The following EFCAB5 variants were observed in gnomAD, a reference collection of about 807,000 sequenced individuals.
The protein encoded by EFCAB5 is EF-hand calcium-binding domain-containing protein 5.
A neutral mutation model predicts 167.9 loss-of-function variants in EFCAB5; 131 were observed. That is an observed-to-expected ratio of 0.78 (90% CI 0.68 to 0.90). The LOEUF (loss-of-function observed/expected upper bound fraction) is 0.90. Among genes scored for constraint, EFCAB5 ranks in the 40% least tolerant of loss-of-function variants. EFCAB5 has a pLI of 0.00. For synonymous variants in EFCAB5, 574 were observed against 602.8 expected, an observed-to-expected ratio of 0.95 and a Z score of 0.70; for missense variants, 1,663 against 1,745.2, an observed-to-expected ratio of 0.95 and a Z score of 0.84.
At chr17:29,936,934 A>C (rs1567665346), upstream of EFCAB5, among the ~76,000 whole-genome samples, 1 of 152,230 alleles carries the variant, frequency 6.6e-6, no homozygotes, top group Non-Finnish European at 1.5e-5. Context: ...AGTAAAACCA[A>C]ACTGCTTCAG....
At chr17:30,003,381 A>G (rs1403433302) in intron 7 of EFCAB5, among the ~76,000 whole-genome samples, 1 of 152,020 alleles carries the variant, frequency 6.6e-6, no homozygotes, top group Non-Finnish European at 1.5e-5. Context: ...GACCACAGTC[A>G]TGCACCACCA....
chr17:29,947,993 T>C (rs1399316946), intron 3 of EFCAB5, among the ~76,000 whole-genome samples: 3 of 152,212 alleles, frequency 2.0e-5, no homozygotes, highest in African/African-American at 7.2e-5. Flanking sequence ...GCCCATCTAA[T>C]TTTTGTATTT....
intron 7 of EFCAB5, among the ~76,000 whole-genome samples, chr17:30,018,993 CT>C (rs1378410391): frequency 6.6e-6 from 1 of 152,078 alleles, no homozygotes; most frequent in African/African-American, 2.4e-5. Context: ...GGTATGGATG[CT>C]TTCTTGACTT....
chr17:30,064,711 C>T (rs1346809540), intron 14 of EFCAB5, among the ~76,000 whole-genome samples: 1 of 152,146 alleles, frequency 6.6e-6, no homozygotes, highest in East Asian at 1.9e-4. Flanking sequence ...CTCTCCAAGG[C>T]AAATTAAAGT....
intron 3 of EFCAB5, among the ~76,000 whole-genome samples, chr17:29,951,434 A>G (rs953349997): frequency 2.6e-5 from 4 of 151,738 alleles, no homozygotes; most frequent in Non-Finnish European, 5.9e-5. Flanking sequence ...ACCTCCTGGG[A>G]TCATGCCATT....
chr17:30,073,370 A>G (rs2151824503), intron 14 of EFCAB5, among the ~76,000 whole-genome samples: 1 of 152,252 alleles, frequency 6.6e-6, no homozygotes, highest in East Asian at 1.9e-4. Context: ...GCATTTCAGT[A>G]TGAAAACTGT....
chr17:29,975,210 A>T (rs1203040289), intron 4 of EFCAB5, among the ~76,000 whole-genome samples: 1 of 152,078 alleles, frequency 6.6e-6, no homozygotes, highest in African/African-American at 2.4e-5. Context: ...GGTCTAAAAC[A>T]AAAGTGATAC....
intron 7 of EFCAB5, among the ~76,000 whole-genome samples, chr17:30,005,025 G>A (rs2151665930): frequency 6.6e-6 from 1 of 152,102 alleles, no homozygotes; most frequent in African/African-American, 2.4e-5. Flanking sequence ...ATGGTATTTT[G>A]TTATTGCAGC....
In EFCAB5 at chr17:30,065,045, G is replaced by A. The variant is rs74821947; in HGVS notation, c.2737+5344G>A. ...TGAGGGAAATTATCACCACTAAACC[G>A]GCCTTACAAGAAATGCTCAAGGGAG... is the stretch of plus-strand genomic sequence containing the variant. On this transcript the variant is annotated intron_variant, in intron 14 of 22. Transcript: ENST00000394835. 6.5e-3 allele frequency among the ~76,000 whole-genome samples: 983 copies of A among 152,242 alleles called. 8 individuals carry two copies. Among genetic ancestry groups the A allele is most frequent in the African/African-American group, 0.023 (936 of 41,534 alleles).
Position 30,090,488 on chromosome 17 carries a change from A to C in EFCAB5, c.3751A>C (p.Ile1251Leu), listed in dbSNP as rs2071173854. 1 of 1,613,940 alleles carries C rather than the reference A, an allele frequency of 6.2e-7. No individual in the cohort carries two copies. The highest frequency in any genetic ancestry group is 1.3e-5 in the African/African-American group (1 of 74,936). ...VLASACGETHIVVPLRERTGE... is the reference protein window; with the variant it reads ...VLASACGETHLVVPLRERTGE... Reference sequence around the variant, plus strand: ...GGCTTCTGCCTGTGGAGAAACGCATATAGTAGTTCCACTTCGTGAGAGAAC... The same window carrying C: ...GGCTTCTGCCTGTGGAGAAACGCATCTAGTAGTTCCACTTCGTGAGAGAAC... The change falls in exon 20 of 23, where the codon ATA (isoleucine) becomes CTA (leucine). Residue 1251 changes from isoleucine (I) to leucine (L), a missense_variant. Physicochemically the swap from Ile to Leu is conservative, Grantham distance 5. Coordinates refer to ENST00000394835, the MANE Select transcript of EFCAB5 (RefSeq NM_198529.4).
intron 14 of EFCAB5, 125 bp downstream of exon 14, chr17:30,059,826 G>T: frequency 1.6e-6 from 1 of 637,506 alleles, no homozygotes. Context: ...ATGTCTACCA[G>T]TATAGATATA....
At chr17:30,107,736 A>G (rs1177252353) in intron 22 of EFCAB5, 98 bp from the exon 23 acceptor site, 4 of 1,086,502 alleles carry the variant, frequency 3.7e-6, no homozygotes, top group African/African-American at 1.6e-5. Context: ...GACTCAAAAC[A>G]TATCTAATGA....
chr17:30,091,997 A>G lies in EFCAB5; in HGVS notation c.4064A>G (p.His1355Arg), dbSNP rs375259455. 2.5e-6 allele frequency: 4 copies of G among 1,613,834 alleles called. No individual in the cohort carries two copies. The highest frequency in any genetic ancestry group is 1.6e-4 in the Middle Eastern group (1 of 6,084). ...MEFVSLLLYDHTLVTEPNSPQ... is the reference protein window; with the variant it reads ...MEFVSLLLYDRTLVTEPNSPQ... ...TTTGTGTCACTGTTGCTCTATGACC[A>G]TACTCTTGTAACAGAGCCAAATTCT... is the stretch of plus-strand genomic sequence containing the variant. The change falls in exon 21 of 23, where the codon CAT (histidine) becomes CGT (arginine). Residue 1355 changes from histidine (H) to arginine (R), a missense_variant. Transcript: ENST00000394835.
intron 3 of EFCAB5, among the ~76,000 whole-genome samples, chr17:29,959,047 T>C (rs1370604802): frequency 1.3e-5 from 2 of 151,916 alleles, no homozygotes; most frequent in African/African-American, 4.8e-5. Context: ...ATGGGAAGAG[T>C]GACACAAGCC....
chr17:29,991,763 A>G (rs2068425387), intron 4 of EFCAB5, among the ~76,000 whole-genome samples: 2 of 152,188 alleles, frequency 1.3e-5, no homozygotes. Context: ...CAACACCTGA[A>G]ATCAATCCCT....
chr17:30,073,329 T>C, intron 14 of EFCAB5: 1 of 543,546 alleles, frequency 1.8e-6, no homozygotes, highest in Non-Finnish European at 3.3e-6. Context: ...AGTGCTGGGA[T>C]TACAGGCATG....
At chr17:29,988,404 C>A (rs963282384) in intron 4 of EFCAB5, among the ~76,000 whole-genome samples, 6 of 152,086 alleles carry the variant, frequency 3.9e-5, no homozygotes, top group African/African-American at 7.2e-5. Flanking sequence ...GCAGTCAATA[C>A]CTCAGTTACA....
Position 30,080,114 on chromosome 17 carries a change from T to G in EFCAB5, c.3070T>G (p.Ser1024Ala), listed in dbSNP as rs758650569. 1.9e-6 allele frequency: 3 copies of G among 1,613,372 alleles called. No individual in the cohort carries two copies. The East Asian group carries it at 6.7e-5, about 36-fold the overall frequency. The part of the protein sequence containing the change: ...HGNKKISAHI[S>A]LLEENLLLPE... The stretch of plus-strand genomic sequence containing the variant: ...AAATAAAAAGATCAGTGCTCACATT[T>G]CCCTCTTAGAAGAAAACCTACTACT... Residue 1024 changes from serine to alanine, a missense_variant, in exon 16 of 23, where the codon TCC becomes GCC. Ser to Ala is a moderately conservative substitution (Grantham distance 99, BLOSUM62 1). Coordinates refer to ENST00000394835, the MANE Select transcript of EFCAB5 (RefSeq NM_198529.4).
intron 3 of EFCAB5, among the ~76,000 whole-genome samples, chr17:29,945,422 C>T (rs1006083264): frequency 2.0e-5 from 3 of 151,768 alleles, no homozygotes; most frequent in Non-Finnish European, 4.4e-5. Flanking sequence ...CATTAAAACC[C>T]GAACTTGCAC....
Sources: gnomAD v4.1 joint callset for allele counts (sites outside exome capture counted in the v4.1 genomes callset) on GRCh38, gnomAD v4.1.1 for gene constraint, MANE v1.5 for transcripts, NCBI Gene and HGNC (gene_info 2026-07-23, HGNC 2026-07-21) for gene names.